The following SLC68A1 variants were observed in gnomAD, a reference collection of about 807,000 sequenced individuals.
SLC68A1 encodes the protein solute carrier family 68 member 1.
chr10:102,471,649 C>T, the SLC68A1 span, among the ~76,000 whole-genome samples: 4 of 152,042 alleles, frequency 2.6e-5, no homozygotes, highest in African/African-American at 9.6e-5. Flanking sequence ...ATTCCAACTA[C>T]TTGGGAGGCT....
chr10:102,466,835 T>C, the SLC68A1 span, among the ~76,000 whole-genome samples: 5 of 152,144 alleles, frequency 3.3e-5, no homozygotes, highest in African/African-American at 9.7e-5. Flanking sequence ...CCTGGAGGAA[T>C]TGGAGTAAGT....
chr10:102,476,356 CTG>C, the SLC68A1 span: 53 of 347,056 alleles, frequency 1.5e-4, no homozygotes, highest in Non-Finnish European at 2.1e-4. Flanking sequence ...GCGTGAGCCA[CTG>C]TGGCCAACCT....
At chr10:102,467,866 C>T in the SLC68A1 span, among the ~76,000 whole-genome samples, 71,835 of 151,866 alleles carry the variant, frequency 0.47, 17,602 homozygotes, top group Middle Eastern at 0.62. Context: ...CCGTGTTGGC[C>T]AGGCTGGTCT....
At chr10:102,467,627 GT>G in the SLC68A1 span, among the ~76,000 whole-genome samples, 3 of 152,104 alleles carry the variant, frequency 2.0e-5, no homozygotes, top group Admixed American at 2.0e-4. Flanking sequence ...CACGGGGGTG[GT>G]GGTGGGGACT....
At chr10:102,474,148 C>A in the SLC68A1 span, 2 of 816,378 alleles carry the variant, frequency 2.4e-6, no homozygotes, top group South Asian at 2.0e-5. Context: ...TGGCTAGAGT[C>A]ACTGGGTCAC....
the SLC68A1 span, chr10:102,477,027 A>T: frequency 3.0e-6 from 3 of 985,410 alleles, no homozygotes; most frequent in African/African-American, 1.7e-5. Context: ...GATTAAAGTC[A>T]GCCATTCTTT....
the SLC68A1 span, among the ~76,000 whole-genome samples, chr10:102,463,553 G>C: frequency 6.6e-6 from 1 of 151,576 alleles, no homozygotes; most frequent in Non-Finnish European, 1.5e-5. Flanking sequence ...AAACGGGAGA[G>C]AACACGTGAT....
the SLC68A1 span, among the ~76,000 whole-genome samples, chr10:102,462,485 G>C: frequency 6.6e-6 from 1 of 152,138 alleles, no homozygotes; most frequent in Non-Finnish European, 1.5e-5. Flanking sequence ...TCTCACTCCA[G>C]GGGCCCAGTT....
the SLC68A1 span, among the ~76,000 whole-genome samples, chr10:102,473,410 A>G: frequency 6.6e-6 from 1 of 151,970 alleles, no homozygotes; most frequent in Admixed American, 6.6e-5. Context: ...AATAGTACTC[A>G]CCTTAAGGGG....
chr10:102,476,346 G>GCTCA, the SLC68A1 span: 4 of 309,348 alleles, frequency 1.3e-5, no homozygotes, highest in South Asian at 4.3e-4. Flanking sequence ...GGGATTACAG[G>GCTCA]CGTGAGCCAC....
chr10:102,470,034 C>T, the SLC68A1 span: 25 of 1,613,964 alleles, frequency 1.5e-5, 1 homozygote, highest in Middle Eastern at 1.6e-4. Context: ...ACCCCCTCTT[C>T]GGTTGGCTCA....
chr10:102,468,136 T>C, the SLC68A1 span, among the ~76,000 whole-genome samples: 1 of 152,138 alleles, frequency 6.6e-6, no homozygotes, highest in Non-Finnish European at 1.5e-5. Flanking sequence ...CCTGATTCCA[T>C]ATCATTTAAA....
the SLC68A1 span, among the ~76,000 whole-genome samples, chr10:102,463,429 C>T: frequency 6.6e-6 from 1 of 152,198 alleles, no homozygotes; most frequent in East Asian, 1.9e-4. Context: ...CGTCGGCCTC[C>T]CCAAGTGCTG....
the SLC68A1 span, chr10:102,472,315 T>A: frequency 1.5e-4 from 43 of 292,106 alleles, 1 homozygote; most frequent in East Asian, 5.0e-3. Context: ...CAGGCTGGAG[T>A]GTAGTGGCAT....
the SLC68A1 span, chr10:102,469,052 C>T: frequency 6.2e-7 from 1 of 1,613,598 alleles, no homozygotes; most frequent in South Asian, 1.1e-5. Flanking sequence ...CAGCCCCAGG[C>T]CTGGTTGCTG....
the SLC68A1 span, chr10:102,469,199 T>C: frequency 6.2e-7 from 1 of 1,613,656 alleles, no homozygotes; most frequent in Non-Finnish European, 8.5e-7. Flanking sequence ...GTCGGAGAGG[T>C]AGGGCCAGTG....
the SLC68A1 span, chr10:102,461,444 G>C: frequency 1.3e-5 from 2 of 152,448 alleles, no homozygotes; most frequent in Non-Finnish European, 2.9e-5. Flanking sequence ...CGCCGGCTAC[G>C]ATTGCGGTGA....
At chr10:102,472,756 A>T in the SLC68A1 span, 3 of 871,610 alleles carry the variant, frequency 3.4e-6, no homozygotes, top group Non-Finnish European at 5.9e-6. Flanking sequence ...TGCTCTGAGG[A>T]TGGGGAGTTG....
the SLC68A1 span, chr10:102,475,726 T>C: frequency 6.3e-7 from 1 of 1,597,322 alleles, no homozygotes; most frequent in South Asian, 1.1e-5. Context: ...TCCTAGGTCA[T>C]GACCTCTTCC....
Sources: allele counts gnomAD v4.1 joint callset (sites outside exome capture counted in the v4.1 genomes callset), GRCh38; gene constraint gnomAD v4.1.1; transcripts MANE v1.5; gene names NCBI Gene and HGNC (gene_info 2026-07-23, HGNC 2026-07-21).